AMPH: variants seen among roughly 807,000 people sequenced by gnomAD.
AMPH encodes the protein amphiphysin, also known as amphiphysin (Stiff-Mann syndrome with breast cancer 128kD autoantigen).
A neutral mutation model predicts 99.1 loss-of-function variants in AMPH; 49 were observed. The ratio of observed to expected loss-of-function variants is 0.49; its 90% CI spans 0.39 to 0.63. The LOEUF (loss-of-function observed/expected upper bound fraction) is 0.63, where lower values mean the gene tolerates loss of function less well. Ranked by LOEUF, AMPH falls within the 20% of genes least tolerant of loss-of-function variation. The pLI is 0.00. For synonymous variants in AMPH, 314 were observed against 317.3 expected (o/e 0.99, Z 0.11); for missense variants, 759 against 863.4 (o/e 0.88, Z 1.52).
intron 7 of AMPH, among the ~76,000 whole-genome samples, chr7:38,472,651 T>C (rs1052543085): frequency 5.3e-5 from 8 of 152,180 alleles, no homozygotes; most frequent in African/African-American, 1.9e-4. Flanking sequence ...AATCTGGATT[T>C]CATTAAGAAA....
At chr7:38,535,917 G>T (rs1177930554) in intron 1 of AMPH, among the ~76,000 whole-genome samples, 1 of 152,110 alleles carries the variant, frequency 6.6e-6, no homozygotes, top group Non-Finnish European at 1.5e-5. Context: ...TGAGGCCCAG[G>T]GTTTGGGGAC....
chr7:38,393,422 T>C (rs1784571922), intron 18 of AMPH, among the ~76,000 whole-genome samples: 3 of 152,178 alleles, frequency 2.0e-5, no homozygotes, highest in African/African-American at 4.8e-5. Flanking sequence ...TGGTAGAGTA[T>C]GTGGCTTTGT....
chr7:38,451,056 C>CAA (rs2129003089), intron 11 of AMPH, among the ~76,000 whole-genome samples: 1 of 145,654 alleles, frequency 6.9e-6, no homozygotes, highest in Admixed American at 6.8e-5. Flanking sequence ...CCATGCCCAG[C>CAA]TATTTTTTTT....
At chr7:38,521,511 A>T (rs1325130549) in intron 2 of AMPH, among the ~76,000 whole-genome samples, 1 of 152,112 alleles carries the variant, frequency 6.6e-6, no homozygotes, top group African/African-American at 2.4e-5. Flanking sequence ...ACAGAGCAAG[A>T]CTCTGTCTCA....
At chr7:38,443,621 G>A (rs1305599259) in intron 11 of AMPH, among the ~76,000 whole-genome samples, 1 of 152,000 alleles carries the variant, frequency 6.6e-6, no homozygotes, top group African/African-American at 2.4e-5. Flanking sequence ...CTTAACAGAT[G>A]CAGCAGAGCA....
intron 17 of AMPH, among the ~76,000 whole-genome samples, chr7:38,410,799 C>T (rs1052221271): frequency 3.3e-5 from 5 of 152,228 alleles, no homozygotes; most frequent in South Asian, 2.1e-4. Context: ...TTTGCTTTGC[C>T]GCCAAAGTGG....
chr7:38,607,474 T>G (rs1038179231), intron 1 of AMPH, among the ~76,000 whole-genome samples: 1 of 152,226 alleles, frequency 6.6e-6, no homozygotes, highest in Non-Finnish European at 1.5e-5. Context: ...ATACCCTTTA[T>G]GATTTCTCAA....
At chr7:38,535,980 C>T (rs1213378622) in intron 1 of AMPH, among the ~76,000 whole-genome samples, 5 of 152,022 alleles carry the variant, frequency 3.3e-5, no homozygotes, top group African/African-American at 7.2e-5. Flanking sequence ...TGGTAAGTTC[C>T]GTCTCACCAT....
At chr7:38,428,812 C>T in intron 14 of AMPH, 1 of 470,298 alleles carries the variant, frequency 2.1e-6, no homozygotes, top group Non-Finnish European at 4.2e-6. Flanking sequence ...ATATCTCCTC[C>T]TTCCATGTCC....
intron 1 of AMPH, among the ~76,000 whole-genome samples, chr7:38,624,466 C>T (rs1221070467): frequency 6.6e-6 from 1 of 151,706 alleles, no homozygotes; most frequent in African/African-American, 2.4e-5. Context: ...ACAATCGCGG[C>T]TCACTGCATC....
chr7:38,441,000 C>T (rs910992323), intron 11 of AMPH, among the ~76,000 whole-genome samples: 4 of 151,742 alleles, frequency 2.6e-5, no homozygotes, highest in African/African-American at 9.7e-5. Context: ...AAAAGCAAGA[C>T]CCAACTAGAT....
intron 20 of AMPH, among the ~76,000 whole-genome samples, chr7:38,387,684 G>C (rs1009778767): frequency 6.6e-6 from 1 of 151,282 alleles, no homozygotes; most frequent in African/African-American, 2.4e-5. Context: ...AAAGAACAAA[G>C]AGAATAATTC....
At chr7:38,445,010 T>TATATATATATATATACACACAC (rs1458295332) in intron 11 of AMPH, among the ~76,000 whole-genome samples, 7 of 125,986 alleles carry the variant, frequency 5.6e-5, no homozygotes, top group East Asian at 5.5e-4. Context: ...TATATATATA[T>TATATATATATATATACACACAC]ACACACACAC....
At chr7:38,528,186 T>C (rs968751503) in intron 2 of AMPH, among the ~76,000 whole-genome samples, 1 of 152,208 alleles carries the variant, frequency 6.6e-6, no homozygotes, top group Non-Finnish European at 1.5e-5. Context: ...TCATGAGACA[T>C]ATTGGTCTGC....
At chr7:38,573,844 T>G (rs185360205) in intron 1 of AMPH, among the ~76,000 whole-genome samples, 5 of 152,362 alleles carry the variant, frequency 3.3e-5, no homozygotes, top group African/African-American at 1.2e-4. Flanking sequence ...TAGATTATAG[T>G]TCTAAATAGT....
At chr7:38,556,357 C>T (rs1325453198) in intron 1 of AMPH, among the ~76,000 whole-genome samples, 1 of 152,002 alleles carries the variant, frequency 6.6e-6, no homozygotes, top group East Asian at 1.9e-4. Context: ...CCCTGCTAGG[C>T]ATAAGAGGAA....
chr7:38,479,406 T>C (rs191017399), intron 5 of AMPH, among the ~76,000 whole-genome samples: 1 of 152,210 alleles, frequency 6.6e-6, no homozygotes, highest in Non-Finnish European at 1.5e-5. Context: ...AGGGAATTCA[T>C]TGCCAGCATA....
At chr7:38,438,397 C>T (rs1284047504) in intron 11 of AMPH, among the ~76,000 whole-genome samples, 1 of 152,168 alleles carries the variant, frequency 6.6e-6, no homozygotes, top group Admixed American at 6.5e-5. Context: ...CCCCAGCTGC[C>T]ATGTAGCAGA....
chr7:38,474,681 G>A (rs1052971206), intron 7 of AMPH, among the ~76,000 whole-genome samples: 2 of 152,152 alleles, frequency 1.3e-5, no homozygotes, highest in African/African-American at 4.8e-5. Context: ...TGAGGATGCT[G>A]ACAGAGATTA....
Sources: gnomAD v4.1 joint callset for allele counts (sites outside exome capture counted in the v4.1 genomes callset) on GRCh38, gnomAD v4.1.1 for gene constraint, MANE v1.5 for transcripts, NCBI Gene and HGNC (gene_info 2026-07-23, HGNC 2026-07-21) for gene names.